The following TBL1X variants were observed in gnomAD, a reference collection of about 807,000 sequenced individuals.
TBL1X encodes the protein transducin beta like 1 X-linked.
In TBL1X, 10 loss-of-function variants were observed where a neutral mutation model predicts 50.7. That is an observed-to-expected ratio of 0.20 (90% CI 0.12 to 0.33). The LOEUF is 0.33. TBL1X is among the 10% of genes least tolerant of loss of function. TBL1X has a pLI of 1.00. For missense variants in TBL1X, 340 were observed against 504.4 expected (o/e 0.67, Z 3.12); for synonymous variants, 190 against 214.7 (o/e 0.88, Z 1.01).
At position 9,542,633 on chromosome X, in the gene TBL1X, G is replaced by C. The variant is rs1272372661; in HGVS notation, c.-131+40784G>C. ...CGGGCAGCGTTGCCTTCGCAGCATG[G>C]TAACTTCTCTCAGCGCTGTTTGTAA... On this transcript the variant is annotated intron_variant, in intron 2 of 17. Coordinates refer to ENST00000645353, the MANE Select transcript of TBL1X (RefSeq NM_005647.4). Among the ~76,000 whole-genome samples the C allele has an allele frequency of 3.6e-5, 4 of 110,280 alleles. 1 individual carries two copies. Among genetic ancestry groups the C allele is most frequent in the Non-Finnish European group, 7.5e-5 (4 of 53,150 alleles).
Position 9,698,578 on chromosome X carries a change from T to C in TBL1X, c.1114+1149T>C, listed in dbSNP as rs1343345954. The stretch of plus-strand genomic sequence containing the variant: ...GAGTCTCAGTGCCCAGAGTTTTTAT[T>C]GGGGGTTGGCCGTGTAAGCACCCAG... On this transcript the variant is annotated intron_variant, in intron 12 of 17. Coordinates refer to ENST00000645353, the MANE Select transcript of TBL1X (RefSeq NM_005647.4). 4.5e-5 allele frequency among the ~76,000 whole-genome samples: 5 copies of C among 111,588 alleles called. No individual in the cohort carries two copies. The Admixed American group carries it at 4.8e-4, about 11-fold the overall frequency.
intron 11 of TBL1X, among the ~76,000 whole-genome samples, chrX:9,695,767 C>T (rs1180773462): frequency 2.7e-5 from 3 of 111,999 alleles, no homozygotes; most frequent in Non-Finnish European, 3.8e-5. Context: ...GTAACTACTG[C>T]CCTTTAACTT....
At chrX:9,520,379 T>C (rs1190133355) in intron 2 of TBL1X, among the ~76,000 whole-genome samples, 1 of 110,849 alleles carries the variant, frequency 9.0e-6, no homozygotes, top group Non-Finnish European at 1.9e-5. Context: ...AAAAGGGAAC[T>C]CTGGAGATAG....
intron 2 of TBL1X, among the ~76,000 whole-genome samples, chrX:9,548,648 G>A (rs1459218111): frequency 8.9e-6 from 1 of 112,305 alleles, no homozygotes; most frequent in Non-Finnish European, 1.9e-5. Flanking sequence ...AAACCGTGAC[G>A]ACTGCCAATA....
intron 5 of TBL1X, among the ~76,000 whole-genome samples, chrX:9,655,261 G>A (rs2146600721): frequency 9.0e-6 from 1 of 111,121 alleles, no homozygotes; most frequent in South Asian, 3.9e-4. Context: ...CCAAGATGAA[G>A]GTGTAGGCGG....
intron 2 of TBL1X, among the ~76,000 whole-genome samples, chrX:9,538,681 G>A (rs2082200993): frequency 8.9e-6 from 1 of 112,486 alleles, no homozygotes; most frequent in South Asian, 3.6e-4. Context: ...GTGAGGGGGA[G>A]GTTCCAGCTC....
At chrX:9,498,109 T>C (rs763559234) in intron 1 of TBL1X, among the ~76,000 whole-genome samples, 11 of 111,560 alleles carry the variant, frequency 9.9e-5, no homozygotes, top group Non-Finnish European at 1.7e-4. Flanking sequence ...TTTTCTTTTT[T>C]TGTCTTTTGT....
chrX:9,609,336 G>GGTGTGTGTGTGTGTGTGTGTGT (rs775969638), intron 2 of TBL1X, among the ~76,000 whole-genome samples: 11 of 94,774 alleles, frequency 1.2e-4, no homozygotes, highest in African/African-American at 4.5e-4. Context: ...TTTTCTTCCA[G>GGTGTGTGTGTGTGTGTGTGTGT]GTGTGTGTGT....
intron 5 of TBL1X, among the ~76,000 whole-genome samples, chrX:9,670,458 C>T (rs190854649): frequency 2.4e-3 from 271 of 111,952 alleles, no homozygotes; most frequent in Middle Eastern, 0.014. Flanking sequence ...AATAAAACTC[C>T]AGTCTCCCGT....
At chrX:9,532,889 A>G (rs1037785300) in intron 2 of TBL1X, among the ~76,000 whole-genome samples, 3 of 111,412 alleles carry the variant, frequency 2.7e-5, no homozygotes, top group African/African-American at 6.5e-5. Flanking sequence ...AGGCTTCAGC[A>G]TATGAGTTGG....
chrX:9,711,497 C>T (rs908586864), intron 15 of TBL1X, 114 bp from the exon 16 acceptor site: 3 of 753,670 alleles, frequency 4.0e-6, no homozygotes, highest in African/African-American at 2.2e-5. Flanking sequence ...TAGTTATTAT[C>T]TTTTGAAACG....
chrX:9,530,832 G>A (rs2082156261), intron 2 of TBL1X, among the ~76,000 whole-genome samples: 1 of 111,597 alleles, frequency 9.0e-6, no homozygotes, highest in Non-Finnish European at 1.9e-5. Flanking sequence ...TTTACCCATT[G>A]ACTTTAATTC....
At chrX:9,505,762 G>A (rs903498106) in intron 2 of TBL1X, among the ~76,000 whole-genome samples, 9 of 112,060 alleles carry the variant, frequency 8.0e-5, no homozygotes, top group Non-Finnish European at 1.5e-4. Context: ...TATTCTAAAT[G>A]TATATATATG....
At chrX:9,591,608 G>A (rs2285573) in intron 2 of TBL1X, among the ~76,000 whole-genome samples, 2,597 of 112,038 alleles carry the variant, frequency 0.023, 27 homozygotes, top group African/African-American at 0.029. Context: ...GCCATCTTGC[G>A]GGAGTGCCCA....
At chrX:9,580,457 C>T (rs376523687) in intron 2 of TBL1X, among the ~76,000 whole-genome samples, 57 of 111,976 alleles carry the variant, frequency 5.1e-4, no homozygotes, top group African/African-American at 1.6e-3. Context: ...TTCTGATTAG[C>T]GTCTCCAAAG....
intron 2 of TBL1X, among the ~76,000 whole-genome samples, chrX:9,593,617 A>G (rs2082513296): frequency 9.1e-6 from 1 of 110,287 alleles, no homozygotes; most frequent in African/African-American, 3.3e-5. Context: ...CAAGGGGATG[A>G]GGAGGCTGGG....
Position 9,699,810 on chromosome X carries a change from G to GT in TBL1X, c.1114+2381_1114+2382insT, listed in dbSNP as rs754046094. Among the ~76,000 whole-genome samples, 3 of 112,080 alleles carry GT rather than the reference G, an allele frequency of 2.7e-5. No homozygotes were observed. In the Admixed American group the frequency reaches 2.8e-4, roughly 11 times the overall value. On this transcript the variant is annotated intron_variant, in intron 12 of 17. Coordinates refer to ENST00000645353, the MANE Select transcript of TBL1X (RefSeq NM_005647.4). ...GGGAGGACGCTGTTTCTGCTCTGCT[G>GT]CCCTGGAGAGGGAGAGCCACTCCTG...
chrX:9,482,427 C>G (rs942819750), intron 1 of TBL1X, among the ~76,000 whole-genome samples: 1 of 112,081 alleles, frequency 8.9e-6, no homozygotes, highest in African/African-American at 3.2e-5. Context: ...TTTAACTGAT[C>G]TAGTCTTAGG....
At chrX:9,687,902 G>A in intron 6 of TBL1X, 115 bp from the exon 7 acceptor site, 1 of 1,097,803 alleles carries the variant, frequency 9.1e-7, no homozygotes, top group East Asian at 3.3e-5. Context: ...CTGGTTGCTG[G>A]GAGCCAGCTG....
Sources: allele counts gnomAD v4.1 joint callset (sites outside exome capture counted in the v4.1 genomes callset), GRCh38; gene constraint gnomAD v4.1.1; transcripts MANE v1.5; gene names NCBI Gene and HGNC (gene_info 2026-07-23, HGNC 2026-07-21).